Variants in ADD3 observed in about 807,000 individuals in gnomAD.
ADD3 encodes the protein gamma-adducin.
ADD3 carries 25 observed loss-of-function variants against 80.2 expected under a neutral mutation model. That is an observed-to-expected ratio of 0.31 (90% CI 0.23 to 0.44). The LOEUF (loss-of-function observed/expected upper bound fraction) is 0.44. ADD3 is among the 20% of genes least tolerant of loss of function. The probability of loss-of-function intolerance (pLI) is 1.00; values close to 1 mark genes in which losing one functional copy is unlikely to be tolerated. For missense variants in ADD3, 829 were observed against 847.5 expected (o/e 0.98, Z 0.27); for synonymous variants, 284 against 289.6 (o/e 0.98, Z 0.20).
intron 5 of ADD3, 73 bp from the exon 6 acceptor site, chr10:110,118,514 C>A: frequency 7.4e-7 from 1 of 1,359,588 alleles, no homozygotes; most frequent in South Asian, 1.2e-5. Flanking sequence ...TTTGCTACCC[C>A]CTGGTTTAGC....
intron 1 of ADD3, chr10:110,079,397 C>T (rs1845745156): frequency 6.7e-6 from 1 of 150,346 alleles, no homozygotes; most frequent in Admixed American, 6.6e-5. Flanking sequence ...CCCCACTCCC[C>T]AGAAGGGAAT....
intron 1 of ADD3, among the ~76,000 whole-genome samples, chr10:110,099,101 A>G (rs2133937458): frequency 1.4e-5 from 2 of 138,560 alleles, no homozygotes; most frequent in East Asian, 4.2e-4. Flanking sequence ...TTTTTTTTTA[A>G]TTTATTTTGT....
intron 1 of ADD3, among the ~76,000 whole-genome samples, chr10:110,079,499 T>A (rs1845814432): frequency 6.8e-6 from 1 of 147,294 alleles, no homozygotes; most frequent in African/African-American, 2.6e-5. Flanking sequence ...TGTGTGTGTG[T>A]GTGATCTACC....
rs532166681 is a variant in ADD3, at chr10:110,064,425, GC to G, written c.-29-36198del. ...GTTTTTTGTTTCTGTTTTCATTTTA[GC>G]CACACTGGTAGGTAGATAGTGGTAT... is the stretch of plus-strand genomic sequence containing the variant. On this transcript the variant is annotated intron_variant, in intron 1 of 14. Transcript: ENST00000356080. Among the ~76,000 whole-genome samples the G allele has an allele frequency of 3.6e-3, 553 of 152,254 alleles. 2 individuals are homozygous for G. The highest frequency in any genetic ancestry group is 5.6e-3 in the Non-Finnish European group (382 of 68,014).
Position 110,078,328 on chromosome 10 carries a change from T to C in ADD3, c.-29-22297T>C, listed in dbSNP as rs183466468. Among the ~76,000 whole-genome samples the C allele has an allele frequency of 5.9e-5, 9 of 152,322 alleles. No homozygotes were observed. The East Asian group carries it at 1.7e-3, about 29-fold the overall frequency. The stretch of plus-strand genomic sequence containing the variant: ...CTAGCTTTGAGTACCCTAATTTTCT[T>C]TGTAAAGACACATGACTATCCCAGC... On this transcript the variant is annotated intron_variant, in intron 1 of 14. Transcript: ENST00000356080.
intron 1 of ADD3, among the ~76,000 whole-genome samples, chr10:110,075,194 G>T (rs2133695351): frequency 6.6e-6 from 1 of 152,248 alleles, no homozygotes; most frequent in East Asian, 1.9e-4. Context: ...CCTTGTCTGT[G>T]CCAGTAAATC....
chr10:110,005,536 A>G (rs904774873), upstream of ADD3, among the ~76,000 whole-genome samples: 1 of 152,214 alleles, frequency 6.6e-6, no homozygotes, highest in African/African-American at 2.4e-5. Context: ...ATTAAATACT[A>G]AATAGCTTTC....
rs565352202 is a variant in ADD3, at chr10:110,100,114, C to T, written c.-29-511C>T. Among the ~76,000 whole-genome samples the T allele has an allele frequency of 8.5e-5, 13 of 152,102 alleles. No individual in the cohort carries two copies. The South Asian group carries it at 1.9e-3, about 22-fold the overall frequency. The stretch of plus-strand genomic sequence containing the variant: ...CTATAATCCCAATGCTTTGGGAGGC[C>T]GAGGTGGGCAGACCATGAGATCAGT... On this transcript the variant is annotated intron_variant, in intron 1 of 14. Coordinates refer to ENST00000356080, the MANE Select transcript of ADD3 (RefSeq NM_016824.5).
upstream of ADD3, among the ~76,000 whole-genome samples, chr10:110,002,352 C>T (rs1434629419): frequency 6.6e-6 from 1 of 152,066 alleles, no homozygotes; most frequent in East Asian, 1.9e-4. Context: ...TGGCTCACTG[C>T]AAGCTCTGCC....
intron 1 of ADD3, among the ~76,000 whole-genome samples, chr10:110,026,407 A>G (rs941710231): frequency 2.6e-5 from 4 of 151,320 alleles, no homozygotes; most frequent in Admixed American, 2.6e-4. Context: ...CAGCCTCCTG[A>G]GTAGCTGGGA....
intron 1 of ADD3, among the ~76,000 whole-genome samples, chr10:110,072,049 C>A (rs1033017987): frequency 1.3e-5 from 2 of 152,164 alleles, no homozygotes; most frequent in African/African-American, 4.8e-5. Context: ...TATTCATTTA[C>A]CATGTATAAT....
chr10:110,028,901 C>T (rs552966866), intron 1 of ADD3, among the ~76,000 whole-genome samples: 19 of 133,866 alleles, frequency 1.4e-4, no homozygotes, highest in Middle Eastern at 4.2e-3. Context: ...TTTTTTGAAA[C>T]GGAGTTTTGC....
In ADD3 at chr10:110,101,096, T is replaced by TTATAA. The variant is rs1385268603; in HGVS notation, c.195+250_195+251insTAATA. On this transcript the variant is annotated intron_variant, in intron 2 of 14. Coordinates refer to ENST00000356080, the MANE Select transcript of ADD3 (RefSeq NM_016824.5). ...TGTGTTTTCTGGGTATAGCACTTTA[T>TTATAA]TAAAGGAGGATACCCAATTCAGACT... 2.0e-5 allele frequency among the ~76,000 whole-genome samples: 3 copies of TTATAA among 152,286 alleles called. No individual in the cohort carries two copies. The East Asian group carries it at 5.8e-4, about 29-fold the overall frequency.
intron 1 of ADD3, among the ~76,000 whole-genome samples, chr10:110,081,191 A>ATAT (rs539151854): frequency 6.6e-6 from 1 of 152,172 alleles, no homozygotes; most frequent in African/African-American, 2.4e-5. Flanking sequence ...ATAATCTGAG[A>ATAT]TATTATTATT....
At position 110,091,862 on chromosome 10, in the gene ADD3, A is replaced by T. The variant is rs966250062; in HGVS notation, c.-29-8763A>T. 6.6e-5 allele frequency among the ~76,000 whole-genome samples: 10 copies of T among 152,248 alleles called. 1 individual carries two copies. In the South Asian group the frequency reaches 2.1e-3, roughly 31 times the overall value. ...AAACTATGCATCCAACAAAGGTGTA[A>T]TATCCAGAGTTTATGAGGAACTTAA... On this transcript the variant is annotated intron_variant, in intron 1 of 14. Coordinates refer to ENST00000356080, the MANE Select transcript of ADD3 (RefSeq NM_016824.5).
rs1163438114 is a variant in ADD3, at chr10:110,086,283, G to T, written c.-29-14342G>T. On this transcript the variant is annotated intron_variant, in intron 1 of 14. Transcript: ENST00000356080. ...AAATTACCTGGGCATGGTGGCACGTGCCTGTAGTCCCAGCTACTCAGGAGG... is the reference window on the plus strand; with the variant it reads ...AAATTACCTGGGCATGGTGGCACGTTCCTGTAGTCCCAGCTACTCAGGAGG... Among the ~76,000 whole-genome samples, 8 of 151,946 alleles carry T rather than the reference G, an allele frequency of 5.3e-5. No homozygotes were observed. The East Asian group carries it at 1.4e-3, about 26-fold the overall frequency.
At chr10:110,122,006 T>C (rs1851567475) in intron 8 of ADD3, 104 bp from the exon 9 acceptor site, 1 of 953,690 alleles carries the variant, frequency 1.0e-6, no homozygotes, top group Non-Finnish European at 1.6e-6. Context: ...CCTGAGCAAG[T>C]ATTATAGATA....
At chr10:110,068,954 G>C (rs1844334646) in intron 1 of ADD3, among the ~76,000 whole-genome samples, 1 of 152,104 alleles carries the variant, frequency 6.6e-6, no homozygotes, top group Non-Finnish European at 1.5e-5. Context: ...ATGTGAGCCT[G>C]TGGTCCCAGC....
At chr10:110,100,869 G>A (rs1226117281) in intron 2 of ADD3, 21 bp downstream of exon 2, 1 of 1,541,066 alleles carries the variant, frequency 6.5e-7, no homozygotes, top group South Asian at 1.2e-5. Flanking sequence ...TTAGAAGGCT[G>A]TAATTTTTCT....
Sources: gnomAD v4.1 joint callset for allele counts (sites outside exome capture counted in the v4.1 genomes callset) on GRCh38, gnomAD v4.1.1 for gene constraint, MANE v1.5 for transcripts, NCBI Gene and HGNC (gene_info 2026-07-23, HGNC 2026-07-21) for gene names.